The following RUFY3 variants were observed in gnomAD, a reference collection of about 807,000 sequenced individuals.
The protein encoded by RUFY3 is RUN and FYVE domain containing 3.
In RUFY3, 34 loss-of-function variants were observed where a neutral mutation model predicts 84.0. That is an observed-to-expected ratio of 0.40 (90% confidence interval 0.31 to 0.54). The LOEUF is 0.54. Among genes scored for constraint, RUFY3 ranks in the 20% least tolerant of loss-of-function variants. The probability of loss-of-function intolerance (pLI) is 0.39; values close to 1 mark genes in which losing one functional copy is unlikely to be tolerated. For missense variants in RUFY3, 507 were observed against 736.8 expected, an observed-to-expected ratio of 0.69 and a Z score of 3.61; for synonymous variants, 242 against 252.9, an observed-to-expected ratio of 0.96 and a Z score of 0.41.
intron 1 of RUFY3, chr4:70,734,296 C>T: frequency 1.8e-6 from 1 of 562,546 alleles, no homozygotes; most frequent in South Asian, 7.8e-5. Context: ...TTCTCTTTTT[C>T]ACAGAATTGT....
chr4:70,801,615 G>A (rs7690479), intron 15 of RUFY3, among the ~76,000 whole-genome samples: 8,157 of 152,220 alleles, frequency 0.054, 536 homozygotes, highest in African/African-American at 0.16. Flanking sequence ...GCCAGGCTTC[G>A]TCACCTTAAG....
chr4:70,800,254 G>T (rs1377419509), intron 15 of RUFY3, 49 bp downstream of exon 15: 1 of 1,483,106 alleles, frequency 6.7e-7, no homozygotes, highest in African/African-American at 1.4e-5. Flanking sequence ...TTCTGGGGTG[G>T]TGGGAAGGAG....
At position 70,800,177 on chromosome 4, in the gene RUFY3, C is replaced by G; in HGVS notation, c.1594C>G (p.Leu532Val). The G allele has an allele frequency of 6.2e-7, 1 of 1,606,358 alleles. No homozygotes were observed. The highest frequency in any genetic ancestry group is 8.5e-7 in the Non-Finnish European group (1 of 1,178,010). ...CAAAATGCAAGAGGAAAATGTTAAA[C>G]TAAAAAAGCCCCTGGAAGAAAGCCA... The part of the protein sequence containing the change: ...KHKMQEENVK[L>V]KKPLEESHRL... Residue 532 changes from leucine (L) to valine (V), a missense_variant, in exon 15 of 18, where the codon CTA becomes GTA. Coordinates refer to ENST00000381006, the MANE Select transcript of RUFY3 (RefSeq NM_001037442.4).
At chr4:70,730,626 C>G (rs1719090266) in intron 1 of RUFY3, among the ~76,000 whole-genome samples, 1 of 150,246 alleles carries the variant, frequency 6.7e-6, no homozygotes, top group Admixed American at 6.6e-5. Context: ...GTAATCCCAA[C>G]TACTTGGGAG....
In RUFY3 at chr4:70,775,217, C is replaced by T. The variant is rs1245996902; in HGVS notation, c.808C>T (p.Leu270=). 6.3e-7 allele frequency: 1 copy of T among 1,592,350 alleles called. No individual in the cohort carries two copies. The highest frequency in any genetic ancestry group is 1.7e-5 in the Admixed American group (1 of 58,652). Residue 270 remains leucine, a synonymous_variant, in exon 7 of 18, where the codon CTG becomes TTG. Transcript: ENST00000381006. ...GGACCAGAAGAACTATGTAGAAGAACTGAACAGACATTTGAAGTAAATAAT... is the reference window on the plus strand; with the variant it reads ...GGACCAGAAGAACTATGTAGAAGAATTGAACAGACATTTGAAGTAAATAAT... The part of the protein sequence containing the change: ...ILDQKNYVEE[L]NRHLNATVNN...
intron 1 of RUFY3, among the ~76,000 whole-genome samples, chr4:70,709,202 G>A (rs1368310133): frequency 1.3e-5 from 2 of 152,194 alleles, no homozygotes; most frequent in Non-Finnish European, 2.9e-5. Context: ...GATGTGCCTT[G>A]TTGAGGATTA....
At chr4:70,748,733 C>T (rs554625930) in intron 1 of RUFY3, among the ~76,000 whole-genome samples, 2 of 152,042 alleles carry the variant, frequency 1.3e-5, no homozygotes, top group African/African-American at 2.4e-5. Context: ...ATGCTTCACA[C>T]GTGGTAGGTT....
At chr4:70,800,755 G>A (rs947400006) in intron 15 of RUFY3, among the ~76,000 whole-genome samples, 1 of 152,132 alleles carries the variant, frequency 6.6e-6, no homozygotes, top group Non-Finnish European at 1.5e-5. Flanking sequence ...GGTGGTACCT[G>A]CCTGTAATCC....
chr4:70,711,427 A>T (rs886828644), intron 1 of RUFY3, among the ~76,000 whole-genome samples: 1 of 152,234 alleles, frequency 6.6e-6, no homozygotes, highest in African/African-American at 2.4e-5. Context: ...TTACCTTCAT[A>T]CTAGTAGTTT....
chr4:70,790,171 C>G (rs1025419086), intron 12 of RUFY3: 1 of 152,494 alleles, frequency 6.6e-6, no homozygotes, highest in African/African-American at 2.4e-5. Context: ...AGTTTTCATC[C>G]TTTGGGCAGC....
intron 5 of RUFY3, among the ~76,000 whole-genome samples, chr4:70,770,966 G>A (rs1409312829): frequency 6.6e-6 from 1 of 152,126 alleles, no homozygotes; most frequent in Non-Finnish European, 1.5e-5. Flanking sequence ...AGGCCAAGGA[G>A]AAGGGAGAGA....
At chr4:70,753,718 A>T (rs185874007) in intron 1 of RUFY3, among the ~76,000 whole-genome samples, 2 of 152,226 alleles carry the variant, frequency 1.3e-5, no homozygotes, top group Non-Finnish European at 2.9e-5. Flanking sequence ...GGGATTTTCC[A>T]AACAGAACAT....
chr4:70,751,282 C>T (rs918955726), intron 1 of RUFY3, among the ~76,000 whole-genome samples: 8 of 152,118 alleles, frequency 5.3e-5, no homozygotes, highest in Non-Finnish European at 1.2e-4. Flanking sequence ...GACATGTTTT[C>T]ATATTGAAAA....
At chr4:70,774,484 G>A (rs1456454520) in intron 6 of RUFY3, among the ~76,000 whole-genome samples, 3 of 148,776 alleles carry the variant, frequency 2.0e-5, no homozygotes, top group Non-Finnish European at 3.0e-5. Flanking sequence ...GCATTATGGC[G>A]GGTGCCTGTA....
chr4:70,788,313 G>A (rs541551677), intron 10 of RUFY3, among the ~76,000 whole-genome samples: 2 of 151,142 alleles, frequency 1.3e-5, no homozygotes, highest in East Asian at 2.0e-4. Context: ...TGTTCGCCTC[G>A]TAACCATACT....
chr4:70,793,017 A>G, intron 12 of RUFY3: 2 of 985,410 alleles, frequency 2.0e-6, no homozygotes, highest in Non-Finnish European at 2.4e-6. Context: ...TTTAAATTCT[A>G]TTATATAAAG....
chr4:70,727,677 C>T (rs1379367190), intron 1 of RUFY3, among the ~76,000 whole-genome samples: 1 of 150,676 alleles, frequency 6.6e-6, no homozygotes, highest in Non-Finnish European at 1.5e-5. Context: ...ATCCCAGCTA[C>T]TCGGGAGGCT....
intron 16 of RUFY3, 169 bp downstream of exon 16, chr4:70,803,152 A>G (rs1243099633): frequency 1.9e-6 from 1 of 514,818 alleles, no homozygotes; most frequent in Non-Finnish European, 3.4e-6. Context: ...CACAGGAAGT[A>G]GCACAGCTTT....
upstream of RUFY3, among the ~76,000 whole-genome samples, chr4:70,718,375 T>A (rs1741875362): frequency 6.6e-6 from 1 of 152,194 alleles, no homozygotes; most frequent in African/African-American, 2.4e-5. Flanking sequence ...TGACTCTTAT[T>A]TGCTTTGAAT....
Sources: allele counts gnomAD v4.1 joint callset (sites outside exome capture counted in the v4.1 genomes callset), GRCh38; gene constraint gnomAD v4.1.1; transcripts MANE v1.5; gene names NCBI Gene and HGNC (gene_info 2026-07-23, HGNC 2026-07-21).